JAKMIP1: variants seen among roughly 807,000 people sequenced by gnomAD.
The protein encoded by JAKMIP1 is janus kinase and microtubule-interacting protein 1.
In JAKMIP1, 33 loss-of-function variants were observed where a neutral mutation model predicts 113.0. The ratio of observed to expected loss-of-function variants is 0.29; its 90% CI spans 0.22 to 0.39. The LOEUF (loss-of-function observed/expected upper bound fraction) is 0.39. Ranked by LOEUF, JAKMIP1 falls within the 10% of genes least tolerant of loss-of-function variation. JAKMIP1 has a pLI of 1.00. For missense variants in JAKMIP1, 813 were observed against 1,080.5 expected, an observed-to-expected ratio of 0.75 and a Z score of 3.47; for synonymous variants, 480 against 459.9, an observed-to-expected ratio of 1.04 and a Z score of -0.56.
intron 1 of JAKMIP1, among the ~76,000 whole-genome samples, chr4:6,195,208 T>C (rs896360849): frequency 1.3e-5 from 2 of 152,238 alleles, no homozygotes; most frequent in Non-Finnish European, 2.9e-5. Flanking sequence ...CCTTCTCTGC[T>C]AAATTGTGAT....
chr4:6,092,221 G>A (rs144051051), intron 3 of JAKMIP1, among the ~76,000 whole-genome samples: 11 of 151,374 alleles, frequency 7.3e-5, no homozygotes, highest in Middle Eastern at 3.4e-3. Flanking sequence ...GTGGAATCCC[G>A]GCCAGCCCAC....
At chr4:6,100,132 T>G (rs973344740) in intron 3 of JAKMIP1, among the ~76,000 whole-genome samples, 1 of 152,244 alleles carries the variant, frequency 6.6e-6, no homozygotes, top group Non-Finnish European at 1.5e-5. Flanking sequence ...TTATAAATCA[T>G]GAACTTCGCC....
At chr4:6,032,988 G>T (rs952325297) in intron 19 of JAKMIP1, among the ~76,000 whole-genome samples, 2 of 152,232 alleles carry the variant, frequency 1.3e-5, no homozygotes, top group African/African-American at 4.8e-5. Flanking sequence ...GCTAGGAAGC[G>T]AAACCAGTGC....
chr4:6,094,963 G>A lies in JAKMIP1; in HGVS notation c.625-9334C>T, dbSNP rs113215704. 0.082 allele frequency among the ~76,000 whole-genome samples: 12,460 copies of A among 151,348 alleles called. 727 individuals are homozygous for A. Among genetic ancestry groups the A allele is most frequent in the Non-Finnish European group, 0.11 (7,768 of 67,902 alleles). Reference sequence around the variant, plus strand: ...TGCACCACTGCACTCCAGCCTGGGCGACAGAGCAAGACCCTGTCAAAAAAG... The same window carrying A: ...TGCACCACTGCACTCCAGCCTGGGCAACAGAGCAAGACCCTGTCAAAAAAG... On this transcript the variant is annotated intron_variant, in intron 3 of 20. Coordinates refer to ENST00000409021, the MANE Select transcript of JAKMIP1 (RefSeq NM_001099433.2). The surrounding 1 kb of genome is among the most constrained non-coding windows in gnomAD (Gnocchi z 4.2).
Position 6,140,199 on chromosome 4 carries a change from C to T in JAKMIP1, c.-147-27202G>A, listed in dbSNP as rs528874426. On this transcript the variant is annotated intron_variant, in intron 1 of 20. Transcript: ENST00000409021. The surrounding 1 kb of genome is among the most constrained non-coding windows in gnomAD (Gnocchi z 9.4). The stretch of plus-strand genomic sequence containing the variant: ...CAGCGGCAGAAACAATCAATGTTCA[C>T]GTGGCTCTCCACCCGGACATTTGGG... Among the ~76,000 whole-genome samples, 26 of 151,834 alleles carry T rather than the reference C, an allele frequency of 1.7e-4. No individual in the cohort carries two copies. The South Asian group carries it at 4.2e-3, about 24-fold the overall frequency.
chr4:6,031,358 G>A lies in JAKMIP1; in HGVS notation c.2380-1577C>T, dbSNP rs982112648. Reference sequence around the variant, plus strand: ...CTTGAACCTGGGAGGTGGAGGTTGCGGTGAGCTGAGATCGCGCCATTGCAC... The same window carrying A: ...CTTGAACCTGGGAGGTGGAGGTTGCAGTGAGCTGAGATCGCGCCATTGCAC... On this transcript the variant is annotated intron_variant, in intron 19 of 20. Coordinates refer to ENST00000409021, the MANE Select transcript of JAKMIP1 (RefSeq NM_001099433.2). The surrounding 1 kb of genome is among the most constrained non-coding windows in gnomAD (Gnocchi z 4.4). Among the ~76,000 whole-genome samples, 8 of 152,032 alleles carry A rather than the reference G, an allele frequency of 5.3e-5. No individual in the cohort carries two copies. Among genetic ancestry groups the A allele is most frequent in the Admixed American group, 1.3e-4 (2 of 15,264 alleles).
At chr4:6,160,254 G>C (rs1022794533) in intron 1 of JAKMIP1, among the ~76,000 whole-genome samples, 6 of 152,122 alleles carry the variant, frequency 3.9e-5, no homozygotes, top group Admixed American at 6.5e-5. Flanking sequence ...GTAACTGATG[G>C]GATTTTTAGA....
In JAKMIP1 at chr4:6,157,146, A is replaced by G. The variant is rs73075449; in HGVS notation, c.-148+43107T>C. Among the ~76,000 whole-genome samples, 29,611 of 152,140 alleles carry G rather than the reference A, an allele frequency of 0.19. 5,440 individuals carry two copies. The highest frequency in any genetic ancestry group is 0.48 in the African/African-American group (19,999 of 41,472). ...TCTTGCCCTGCTGCCTTCTGCCATG[A>G]GATGTGGCAAGAAGGCCCTTGCCAG... On this transcript the variant is annotated intron_variant, in intron 1 of 20. Coordinates refer to ENST00000409021, the MANE Select transcript of JAKMIP1 (RefSeq NM_001099433.2). This position sits in a 1 kb window ranked among gnomAD's most constrained non-coding sequence, Gnocchi z 4.7.
Position 6,187,091 on chromosome 4 carries a change from A to G in JAKMIP1, c.-148+13162T>C, listed in dbSNP as rs977919750. ...GCAATCTGCCCACCTCAGCCTCTCA[A>G]AATGCTAGGATTTCAGGCATGAGCC... On this transcript the variant is annotated intron_variant, in intron 1 of 20. Transcript: ENST00000409021. The surrounding 1 kb of genome is among the most constrained non-coding windows in gnomAD (Gnocchi z 4.2). 6.6e-6 allele frequency among the ~76,000 whole-genome samples: 1 copy of G among 152,074 alleles called. No individual in the cohort carries two copies. The highest frequency in any genetic ancestry group is 1.5e-5 in the Non-Finnish European group (1 of 68,022).
chr4:6,116,332 G>A lies in JAKMIP1; in HGVS notation c.-147-3335C>T, dbSNP rs538421295. 7.0e-4 allele frequency among the ~76,000 whole-genome samples: 107 copies of A among 152,088 alleles called. No homozygotes were observed. Among genetic ancestry groups the A allele is most frequent in the Middle Eastern group, 3.4e-3 (1 of 294 alleles). On this transcript the variant is annotated intron_variant, in intron 1 of 20. Transcript: ENST00000409021. This position sits in a 1 kb window ranked among gnomAD's most constrained non-coding sequence, Gnocchi z 5.1. Reference sequence around the variant, plus strand: ...CTGAGCTTAGCTTGGTGTCTGCTGCGCCCGGGGATTTTCGTTCTGAGCCCA... The same window carrying A: ...CTGAGCTTAGCTTGGTGTCTGCTGCACCCGGGGATTTTCGTTCTGAGCCCA...
intron 1 of JAKMIP1, among the ~76,000 whole-genome samples, chr4:6,166,304 C>T (rs1005316524): frequency 2.6e-5 from 4 of 152,220 alleles, no homozygotes; most frequent in African/African-American, 9.6e-5. Flanking sequence ...CTTAGATAAA[C>T]CCGGCCAGGA....
intron 16 of JAKMIP1, among the ~76,000 whole-genome samples, chr4:6,043,084 G>A (rs112798521): frequency 2.6e-5 from 4 of 152,098 alleles, no homozygotes; most frequent in East Asian, 3.9e-4. Flanking sequence ...GGAGGGCTGT[G>A]GGGAGATCAG....
Position 6,085,152 on chromosome 4 carries a change from C to T in JAKMIP1, c.835-187G>A, listed in dbSNP as rs566052704. On this transcript the variant is annotated intron_variant, in intron 4 of 20. Coordinates refer to ENST00000409021, the MANE Select transcript of JAKMIP1 (RefSeq NM_001099433.2). Reference sequence around the variant, plus strand: ...ACACCTGCGGAAGACTCCATCTAGACGGCCACTGAGACTTCAAACCCTTCC... The same window carrying T: ...ACACCTGCGGAAGACTCCATCTAGATGGCCACTGAGACTTCAAACCCTTCC... Among the ~76,000 whole-genome samples the T allele has an allele frequency of 2.3e-3, 355 of 152,200 alleles. 3 individuals are homozygous for T. Among genetic ancestry groups the T allele is most frequent in the Non-Finnish European group, 3.6e-3 (242 of 68,022 alleles).
rs74709737 is a variant in JAKMIP1 at position 6,156,422 on chromosome 4, G to C, written c.-147-43425C>G. ...CAGCAGCTTAGATTTAATAAAATAC[G>C]GTACCTAACAGAGTCCAGAATTCTG... is the stretch of plus-strand genomic sequence containing the variant. On this transcript the variant is annotated intron_variant, in intron 1 of 20. Transcript: ENST00000409021. This position sits in a 1 kb window ranked among gnomAD's most constrained non-coding sequence, Gnocchi z 5.0. Among the ~76,000 whole-genome samples, 1 of 152,102 alleles carries C rather than the reference G, an allele frequency of 6.6e-6. No homozygotes were observed. The highest frequency in any genetic ancestry group is 1.5e-5 in the Non-Finnish European group (1 of 68,024).
rs1415409620 is a variant in JAKMIP1 at position 6,067,299 on chromosome 4, C to A, written c.1303-2291G>T. The stretch of plus-strand genomic sequence containing the variant: ...AACAGATTTTGTTTTGCACATGACA[C>A]CATTTCCATTCATTCACACAGCTGG... On this transcript the variant is annotated intron_variant, in intron 8 of 20. Transcript: ENST00000409021. The surrounding 1 kb of genome is among the most constrained non-coding windows in gnomAD (Gnocchi z 4.6). Among the ~76,000 whole-genome samples, 11 of 152,306 alleles carry A rather than the reference C, an allele frequency of 7.2e-5. No homozygotes were observed. The highest frequency in any genetic ancestry group is 2.0e-4 in the Admixed American group (3 of 15,312).
rs1226410355 is a variant in JAKMIP1 at position 6,139,077 on chromosome 4, CACACACATAT to C, written c.-147-26090_-147-26081del. On this transcript the variant is annotated intron_variant, in intron 1 of 20. Transcript: ENST00000409021. This position sits in a 1 kb window ranked among gnomAD's most constrained non-coding sequence, Gnocchi z 5.2. ...AGAAACACACACACACACACACACA[CACACACATAT>C]ACACACACACACACACACCAGCAGG... Among the ~76,000 whole-genome samples the C allele has an allele frequency of 1.4e-3, 191 of 140,536 alleles. 2 individuals are homozygous for C. Among genetic ancestry groups the C allele is most frequent in the African/African-American group, 5.5e-3 (174 of 31,374 alleles). 92.2% of individuals were successfully genotyped at this position (140,536 alleles called of 152,430 possible). A position where few individuals can be genotyped will look rare whatever the true frequency, so the allele number is the denominator to read the frequency against.
rs772930992 is a variant in JAKMIP1, at chr4:6,135,039, G to A, written c.-147-22042C>T. On this transcript the variant is annotated intron_variant, in intron 1 of 20. Coordinates refer to ENST00000409021, the MANE Select transcript of JAKMIP1 (RefSeq NM_001099433.2). The surrounding 1 kb of genome is among the most constrained non-coding windows in gnomAD (Gnocchi z 4.9). ...TGTAGAGATGGCAGGTGTAGGGCTC[G>A]TGTATCTCTGGTCTGGTATCGTTGG... Among the ~76,000 whole-genome samples the A allele has an allele frequency of 1.3e-5, 2 of 151,914 alleles. No individual in the cohort carries two copies. The highest frequency in any genetic ancestry group is 2.9e-5 in the Non-Finnish European group (2 of 67,972).
At chr4:6,082,341 G>A (rs1022363367) in intron 5 of JAKMIP1, among the ~76,000 whole-genome samples, 16 of 151,852 alleles carry the variant, frequency 1.1e-4, no homozygotes, top group Middle Eastern at 3.4e-3. Flanking sequence ...TGTACCATGT[G>A]ACCCATGCAT....
chr4:6,042,128 T>A lies in JAKMIP1; in HGVS notation c.2097+31A>T, dbSNP rs1392949852. The A allele has an allele frequency of 6.3e-7, 1 of 1,577,088 alleles. No homozygotes were observed. Among genetic ancestry groups the A allele is most frequent in the East Asian group, 2.2e-5 (1 of 44,678 alleles). ...ACCTCTCTGAGCTCTTTGAACCCTC[T>A]CCCCCACCCCCAGGCAGTCAAATCT... On this transcript the variant is annotated intron_variant, in intron 17 of 20. Transcript: ENST00000409021. The surrounding 1 kb of genome is among the most constrained non-coding windows in gnomAD (Gnocchi z 5.2).
Sources: allele counts gnomAD v4.1 joint callset (sites outside exome capture counted in the v4.1 genomes callset), GRCh38; gene constraint gnomAD v4.1.1; non-coding constraint Gnocchi (gnomAD v3.1); transcripts MANE v1.5; gene names NCBI Gene and HGNC (gene_info 2026-07-23, HGNC 2026-07-21).